Variants in FBXO31 observed in about 807,000 individuals in gnomAD.
FBXO31 encodes the protein F-box protein 31, also known as F-box only protein 31.
Under a neutral mutation model 54.4 loss-of-function variants are expected in FBXO31, and 24 were observed. The ratio of observed to expected loss-of-function variants is 0.44; its 90% CI spans 0.32 to 0.62. The LOEUF (loss-of-function observed/expected upper bound fraction) is 0.62. Among genes scored for constraint, FBXO31 ranks in the 20% least tolerant of loss-of-function variants. The pLI, the probability that FBXO31 is intolerant of heterozygous loss-of-function variation, is 0.05. For synonymous variants in FBXO31, 388 were observed against 335.6 expected (o/e 1.16, Z -1.71); for missense variants, 665 against 787.1 (o/e 0.84, Z 1.86).
chr16:87,375,038 G>A (rs755575252), intron 1 of FBXO31, among the ~76,000 whole-genome samples: 2 of 152,180 alleles, frequency 1.3e-5, no homozygotes, highest in Admixed American at 6.5e-5. Flanking sequence ...CAAAAGTTAG[G>A]CCAGGTGCGG....
intron 7 of FBXO31, among the ~76,000 whole-genome samples, chr16:87,334,793 A>C (rs536673786): frequency 1.3e-5 from 2 of 152,314 alleles, no homozygotes; most frequent in South Asian, 4.1e-4. Flanking sequence ...GGCGGGCAGC[A>C]TGTGCCAGGA....
At chr16:87,359,707 T>C (rs1175357930) in intron 2 of FBXO31, among the ~76,000 whole-genome samples, 1 of 152,018 alleles carries the variant, frequency 6.6e-6, no homozygotes, top group Admixed American at 6.6e-5. Context: ...GAGCAAGAAA[T>C]GGGAAAGTCC....
In FBXO31 at chr16:87,336,357, CTTTG is replaced by C; in HGVS notation, c.733-97_733-94del. The C allele has an allele frequency of 1.8e-6, 2 of 1,123,172 alleles. No homozygotes were observed. The highest frequency in any genetic ancestry group is 2.7e-6 in the Non-Finnish European group (2 of 751,712). 69.6% of individuals were successfully genotyped at this position (1,123,172 alleles called of 1,614,324 possible). On this transcript the variant is annotated intron_variant, in intron 5 of 8. Coordinates refer to ENST00000311635, the MANE Select transcript of FBXO31 (RefSeq NM_024735.5). The surrounding 1 kb of genome is among the most constrained non-coding windows in gnomAD (Gnocchi z 6.5). ...CGCTGAGAGGACACAGTGTGTCCTT[CTTTG>C]TCAGTGCACAGGCACCTGCAGGGCC...
intron 3 of FBXO31, among the ~76,000 whole-genome samples, chr16:87,344,075 C>T (rs1391423221): frequency 6.6e-6 from 1 of 152,262 alleles, no homozygotes; most frequent in African/African-American, 2.4e-5. Context: ...GCCTCGTTCG[C>T]GTCCTGAGCT....
At position 87,346,111 on chromosome 16, in the gene FBXO31, G is replaced by C. The variant is rs145311460; in HGVS notation, c.489+1063C>G. Among the ~76,000 whole-genome samples, 544 of 152,318 alleles carry C rather than the reference G, an allele frequency of 3.6e-3. 1 individual carries two copies. Among genetic ancestry groups the C allele is most frequent in the African/African-American group, 0.013 (527 of 41,586 alleles). On this transcript the variant is annotated intron_variant, in intron 3 of 8. Transcript: ENST00000311635. The surrounding 1 kb of genome is among the most constrained non-coding windows in gnomAD (Gnocchi z 4.2). Reference sequence around the variant, plus strand: ...AGGGCCTGGGGATAGAGTCACGGACGGCCTCCGGCTGGGCCCTACAGAGGG... The same window carrying C: ...AGGGCCTGGGGATAGAGTCACGGACCGCCTCCGGCTGGGCCCTACAGAGGG...
At chr16:87,370,520 G>C (rs1906554788) in intron 1 of FBXO31, among the ~76,000 whole-genome samples, 3 of 152,232 alleles carry the variant, frequency 2.0e-5, no homozygotes, top group African/African-American at 7.2e-5. Flanking sequence ...GCAGAGTTCA[G>C]CTGGTAGGGC....
upstream of FBXO31, chr16:87,391,946 C>T (rs2150707374): frequency 6.4e-6 from 1 of 155,046 alleles, no homozygotes; most frequent in Non-Finnish European, 1.4e-5. Context: ...TTCCTCTGAC[C>T]CCTCCCTCAA....
chr16:87,371,159 C>T (rs1906586530), intron 1 of FBXO31, among the ~76,000 whole-genome samples: 2 of 152,248 alleles, frequency 1.3e-5, no homozygotes, highest in Non-Finnish European at 2.9e-5. Flanking sequence ...CAGGCATCTC[C>T]TATCAAACAT....
intron 1 of FBXO31, among the ~76,000 whole-genome samples, chr16:87,375,509 TAAATA>T (rs1906784903): frequency 1.3e-5 from 2 of 151,718 alleles, no homozygotes; most frequent in African/African-American, 4.8e-5. Context: ...AATAAATAAA[TAAATA>T]AATGAACAGT....
At chr16:87,337,309 T>A (rs1261713188) in intron 5 of FBXO31, among the ~76,000 whole-genome samples, 1 of 152,222 alleles carries the variant, frequency 6.6e-6, no homozygotes, top group Non-Finnish European at 1.5e-5. Context: ...TACACAGAGA[T>A]GCCACGTGTG....
Position 87,335,144 on chromosome 16 carries a change from C to T in FBXO31, c.996+160G>A, listed in dbSNP as rs1278427566. 6.6e-6 allele frequency among the ~76,000 whole-genome samples: 1 copy of T among 152,202 alleles called. No homozygotes were observed. The highest frequency in any genetic ancestry group is 1.5e-5 in the Non-Finnish European group (1 of 68,018). On this transcript the variant is annotated intron_variant, in intron 7 of 8. Coordinates refer to ENST00000311635, the MANE Select transcript of FBXO31 (RefSeq NM_024735.5). This position sits in a 1 kb window ranked among gnomAD's most constrained non-coding sequence, Gnocchi z 5.7. ...TCTGGTTCAGTGGGGCTGGCTGGGG[C>T]CCGAGAATCTGCTTTCCCAAGCTCC...
rs1904813460 is a variant in FBXO31, at chr16:87,330,522, C to G, written c.*766G>C. On this transcript the variant is annotated 3_prime_UTR_variant, in exon 9 of 9. Coordinates refer to ENST00000311635, the MANE Select transcript of FBXO31 (RefSeq NM_024735.5). ...TCTGGAACAGGCCGTCGAGGACAGT[C>G]AAGTGGCTGGAACGATGGCCTTGGC... 6.6e-6 allele frequency: 1 copy of G among 152,596 alleles called. No individual in the cohort carries two copies. Among genetic ancestry groups the G allele is most frequent in the African/African-American group, 2.4e-5 (1 of 41,456 alleles). The allele number at this position is 152,596 out of a possible 1,614,324, so 9.5% of individuals were successfully genotyped here.
intron 1 of FBXO31, among the ~76,000 whole-genome samples, chr16:87,378,708 T>G (rs981290482): frequency 6.6e-6 from 1 of 152,170 alleles, no homozygotes; most frequent in African/African-American, 2.4e-5. Flanking sequence ...ACGCCTGTAA[T>G]CCCAGCACTT....
At position 87,331,047 on chromosome 16, in the gene FBXO31, G is replaced by A; in HGVS notation, c.*241C>T. ...CTGTCCCCTACATCTGCTGTATTCA[G>A]GCTCGTTCTCTCTGTTTTTGGTAAG... On this transcript the variant is annotated 3_prime_UTR_variant, in exon 9 of 9. Coordinates refer to ENST00000311635, the MANE Select transcript of FBXO31 (RefSeq NM_024735.5). 2.0e-6 allele frequency: 1 copy of A among 506,198 alleles called. No homozygotes were observed. The highest frequency in any genetic ancestry group is 3.6e-6 in the Non-Finnish European group (1 of 279,112). 31.4% of individuals were successfully genotyped at this position (506,198 alleles called of 1,614,324 possible).
Position 87,346,555 on chromosome 16 carries a change from G to C in FBXO31, c.489+619C>G, listed in dbSNP as rs1476703329. 6.6e-6 allele frequency among the ~76,000 whole-genome samples: 1 copy of C among 152,178 alleles called. No homozygotes were observed. The highest frequency in any genetic ancestry group is 6.5e-5 in the Admixed American group (1 of 15,284). The stretch of plus-strand genomic sequence containing the variant: ...ACGAACAGGAAAGAAATGTCCTCAC[G>C]GGTCCTCAGACCCCAACGGCAAGCA... On this transcript the variant is annotated intron_variant, in intron 3 of 8. Coordinates refer to ENST00000311635, the MANE Select transcript of FBXO31 (RefSeq NM_024735.5). This position sits in a 1 kb window ranked among gnomAD's most constrained non-coding sequence, Gnocchi z 4.2.
At chr16:87,349,344 A>G (rs1190903527) in intron 2 of FBXO31, among the ~76,000 whole-genome samples, 1 of 152,244 alleles carries the variant, frequency 6.6e-6, no homozygotes, top group African/African-American at 2.4e-5. Flanking sequence ...CCCCAGTGGC[A>G]GCTGACACAA....
intron 1 of FBXO31, among the ~76,000 whole-genome samples, chr16:87,377,574 C>G (rs890746472): frequency 3.3e-5 from 5 of 152,074 alleles, no homozygotes; most frequent in Non-Finnish European, 5.9e-5. Context: ...GCCTGTAATC[C>G]CAGTACTTTA....
chr16:87,343,189 C>T (rs909110303), intron 4 of FBXO31, among the ~76,000 whole-genome samples: 1 of 152,228 alleles, frequency 6.6e-6, no homozygotes, highest in African/African-American at 2.4e-5. Context: ...CATTTCCCAG[C>T]GTGACACAGA....
Position 87,336,307 on chromosome 16 carries a change from G to A in FBXO31, c.733-43C>T. On this transcript the variant is annotated intron_variant, in intron 5 of 8. Transcript: ENST00000311635. This position sits in a 1 kb window ranked among gnomAD's most constrained non-coding sequence, Gnocchi z 6.5. The stretch of plus-strand genomic sequence containing the variant: ...GTCATGAATATCCATATGACAGGAG[G>A]CTGTGAAGAGGCTGCCGGCTGTGCC... 2 of 1,573,678 alleles carry A rather than the reference G, an allele frequency of 1.3e-6. No homozygotes were observed. The highest frequency in any genetic ancestry group is 1.7e-6 in the Non-Finnish European group (2 of 1,145,668).
Sources: gnomAD v4.1 joint callset for allele counts (sites outside exome capture counted in the v4.1 genomes callset) on GRCh38, gnomAD v4.1.1 for gene constraint, Gnocchi (gnomAD v3.1) non-coding constraint, MANE v1.5 for transcripts, NCBI Gene and HGNC (gene_info 2026-07-23, HGNC 2026-07-21) for gene names.